Variants in PHACTR1 observed in about 807,000 individuals in gnomAD.
PHACTR1 encodes the protein RPEL repeat containing 1.
PHACTR1 carries 16 observed loss-of-function variants against 69.2 expected under a neutral mutation model. The ratio of observed to expected loss-of-function variants is 0.23; its 90% confidence interval spans 0.16 to 0.35. PHACTR1 has a LOEUF of 0.35. Among genes scored for constraint, PHACTR1 ranks in the 10% least tolerant of loss-of-function variants. PHACTR1 has a pLI of 1.00. For missense variants in PHACTR1, 510 were observed against 734.7 expected (o/e 0.69, Z 3.54); for synonymous variants, 312 against 284.5 (o/e 1.10, Z -0.97).
chr6:12,841,541 A>G (rs1778701932), intron 4 of PHACTR1, among the ~76,000 whole-genome samples: 1 of 152,242 alleles, frequency 6.6e-6, no homozygotes, highest in South Asian at 2.1e-4. Context: ...TTTTTGTTAC[A>G]TCACTAGGAA....
At chr6:13,112,103 C>T (rs939244327) in intron 5 of PHACTR1, among the ~76,000 whole-genome samples, 5 of 152,150 alleles carry the variant, frequency 3.3e-5, no homozygotes, top group African/African-American at 1.2e-4. Context: ...CATTTAGCTC[C>T]CACTTATAAG....
intron 7 of PHACTR1, among the ~76,000 whole-genome samples, chr6:13,194,403 A>G (rs77419010): frequency 1.5e-5 from 1 of 67,992 alleles, no homozygotes. Flanking sequence ...CTCCGTCTCA[A>G]AAAAAAAAAA....
intron 5 of PHACTR1, among the ~76,000 whole-genome samples, chr6:13,136,954 A>T (rs1464732667): frequency 6.6e-6 from 1 of 152,240 alleles, no homozygotes; most frequent in African/African-American, 2.4e-5. Flanking sequence ...CCTAATGATG[A>T]TGAAAAGTGT....
intron 10 of PHACTR1, among the ~76,000 whole-genome samples, chr6:13,251,926 ACAC>A (rs948725890): frequency 5.9e-5 from 9 of 151,852 alleles, no homozygotes; most frequent in Non-Finnish European, 1.3e-4. Context: ...ATGGTGGCAC[ACAC>A]CTATAGTCCC....
intron 4 of PHACTR1, among the ~76,000 whole-genome samples, chr6:12,762,868 T>C (rs1214116092): frequency 6.6e-6 from 1 of 152,216 alleles, no homozygotes; most frequent in African/African-American, 2.4e-5. Context: ...TTTGCCCTTG[T>C]TTCTCTTGAC....
intron 4 of PHACTR1, among the ~76,000 whole-genome samples, chr6:12,792,122 A>G (rs1208625151): frequency 1.3e-5 from 2 of 152,170 alleles, no homozygotes; most frequent in East Asian, 3.8e-4. Flanking sequence ...GTGTTTTCAT[A>G]TGTATATGAT....
chr6:12,878,499 A>C (rs556130118), intron 4 of PHACTR1, among the ~76,000 whole-genome samples: 2 of 152,342 alleles, frequency 1.3e-5, no homozygotes, highest in African/African-American at 4.8e-5. Context: ...ACAAGAAAGT[A>C]AGTCTCTTGA....
chr6:12,720,258 G>A (rs545370428), intron 3 of PHACTR1, among the ~76,000 whole-genome samples: 1 of 152,238 alleles, frequency 6.6e-6, no homozygotes, highest in South Asian at 2.1e-4. Context: ...CGACTGGAAT[G>A]AGACAATAAT....
intron 5 of PHACTR1, among the ~76,000 whole-genome samples, chr6:13,139,682 A>G (rs779438963): frequency 1.4e-4 from 21 of 152,338 alleles, no homozygotes; most frequent in Admixed American, 6.5e-4. Flanking sequence ...GGCTCACATA[A>G]TTAAAGACTT....
At chr6:12,805,358 CT>C (rs1235909468) in intron 4 of PHACTR1, among the ~76,000 whole-genome samples, 2 of 152,188 alleles carry the variant, frequency 1.3e-5, no homozygotes, top group African/African-American at 2.4e-5. Context: ...CCCTATCTCA[CT>C]TTTCTAGAAG....
chr6:13,117,618 A>C (rs945239821), intron 5 of PHACTR1, among the ~76,000 whole-genome samples: 7 of 152,254 alleles, frequency 4.6e-5, no homozygotes, highest in African/African-American at 1.7e-4. Context: ...TCTCTAGTCA[A>C]GGAGCTGGGT....
intron 3 of PHACTR1, among the ~76,000 whole-genome samples, chr6:12,724,630 G>A (rs1038816603): frequency 1.3e-5 from 2 of 152,142 alleles, no homozygotes; most frequent in African/African-American, 4.8e-5. Context: ...TAGTTAGACT[G>A]ATCAAATCAA....
chr6:13,151,440 C>T (rs182880614), intron 5 of PHACTR1, among the ~76,000 whole-genome samples: 33 of 152,292 alleles, frequency 2.2e-4, no homozygotes, highest in African/African-American at 7.0e-4. Flanking sequence ...AGAAAATACC[C>T]GGCCCAGAAA....
intron 10 of PHACTR1, among the ~76,000 whole-genome samples, chr6:13,247,990 G>A (rs1562064241): frequency 6.6e-6 from 1 of 152,216 alleles, no homozygotes; most frequent in African/African-American, 2.4e-5. Context: ...GGCATTTCAG[G>A]TGAAGCCCTC....
In PHACTR1 at chr6:13,222,099, C is replaced by T. The variant is rs143049350; in HGVS notation, c.987-5717C>T. 4.2e-4 allele frequency among the ~76,000 whole-genome samples: 64 copies of T among 152,048 alleles called. 1 individual carries two copies. In the East Asian group the frequency reaches 0.011, roughly 26 times the overall value. ...GTTAGGATGAGATTCCTCATGTTTA[C>T]CTGCGGTTTTAGAAGCTAGTTAGCC... is the stretch of plus-strand genomic sequence containing the variant. On this transcript the variant is annotated intron_variant, in intron 8 of 14. Coordinates refer to ENST00000332995, the MANE Select transcript of PHACTR1 (RefSeq NM_030948.6).
At chr6:12,883,286 T>C (rs1783285005) in intron 4 of PHACTR1, among the ~76,000 whole-genome samples, 1 of 152,128 alleles carries the variant, frequency 6.6e-6, no homozygotes, top group Admixed American at 6.5e-5. Context: ...CCATCTCGGC[T>C]CACTGCAACC....
At chr6:13,205,742 G>A (rs1583919817) in intron 7 of PHACTR1, 73 bp from the exon 8 acceptor site, 6 of 1,400,550 alleles carry the variant, frequency 4.3e-6, no homozygotes, top group East Asian at 4.6e-5. Context: ...CTCCAGGTGA[G>A]CGCATCTGGT....
At chr6:12,753,972 T>A (rs867479190) in intron 4 of PHACTR1, among the ~76,000 whole-genome samples, 2,168 of 136,832 alleles carry the variant, frequency 0.016, 25 homozygotes, top group South Asian at 0.038. Flanking sequence ...ATATATATAT[T>A]TTTTTTTTGA....
At chr6:13,080,149 G>T (rs1811144695) in intron 5 of PHACTR1, among the ~76,000 whole-genome samples, 1 of 152,058 alleles carries the variant, frequency 6.6e-6, no homozygotes, top group Non-Finnish European at 1.5e-5. Context: ...TGTGACATTG[G>T]ATGTCTCTGA....
Sources: allele counts gnomAD v4.1 joint callset (sites outside exome capture counted in the v4.1 genomes callset), GRCh38; gene constraint gnomAD v4.1.1; transcripts MANE v1.5; gene names NCBI Gene and HGNC (gene_info 2026-07-23, HGNC 2026-07-21).